SHISA9: variants seen among roughly 807,000 people sequenced by gnomAD.
SHISA9 encodes the protein shisa family member 9, also known as protein shisa-9.
Under a neutral mutation model 38.0 loss-of-function variants are expected in SHISA9, and 13 were observed. The observed-to-expected ratio is 0.34, with a 90% CI of 0.22 to 0.54. The LOEUF (loss-of-function observed/expected upper bound fraction) is 0.54, where lower values mean the gene tolerates loss of function less well. SHISA9 is among the 20% of genes least tolerant of loss of function. The pLI is 0.91. For synonymous variants in SHISA9, 275 were observed against 242.0 expected, an observed-to-expected ratio of 1.14 and a Z score of -1.27; for missense variants, 538 against 575.8, an observed-to-expected ratio of 0.93 and a Z score of 0.67.
chr16:13,343,390 C>G, the SHISA9 span, among the ~76,000 whole-genome samples: 3 of 152,040 alleles, frequency 2.0e-5, no homozygotes, highest in Non-Finnish European at 4.4e-5. Context: ...CTTTTTCTCT[C>G]TAGTACCACA....
At chr16:13,066,451 A>G (rs937188645) in intron 2 of SHISA9, among the ~76,000 whole-genome samples, 1 of 152,190 alleles carries the variant, frequency 6.6e-6, no homozygotes, top group Non-Finnish European at 1.5e-5. Flanking sequence ...TAAATTTCAT[A>G]AAAACCATCT....
chr16:13,113,722 T>G (rs1206516382), intron 2 of SHISA9, among the ~76,000 whole-genome samples: 1 of 152,212 alleles, frequency 6.6e-6, no homozygotes, highest in Non-Finnish European at 1.5e-5. Context: ...TGGCCTCATT[T>G]GTTTGCCTTT....
chr16:13,305,211 G>A, the SHISA9 span, among the ~76,000 whole-genome samples: 1 of 152,172 alleles, frequency 6.6e-6, no homozygotes, highest in South Asian at 2.1e-4. Flanking sequence ...AGTTTGTTGT[G>A]TGCCTGAGTT....
intron 1 of SHISA9, chr16:12,908,522 C>T: frequency 6.4e-7 from 1 of 1,552,080 alleles, no homozygotes; most frequent in South Asian, 1.2e-5. Context: ...GATTTCTTTC[C>T]AAGAGGACGA....
chr16:13,273,333 C>A, the SHISA9 span, among the ~76,000 whole-genome samples: 1 of 152,106 alleles, frequency 6.6e-6, no homozygotes, highest in Non-Finnish European at 1.5e-5. Flanking sequence ...GTATTCCCAC[C>A]CAAATCTCAT....
At chr16:13,293,273 T>G in the SHISA9 span, among the ~76,000 whole-genome samples, 1 of 152,140 alleles carries the variant, frequency 6.6e-6, no homozygotes, top group African/African-American at 2.4e-5. Flanking sequence ...CCCTTACTTT[T>G]CCCTTGAAAA....
chr16:13,235,627 AT>A lies in SHISA9; in HGVS notation c.*220del. On this transcript the variant is annotated 3_prime_UTR_variant, in exon 5 of 5. Transcript: ENST00000558583. ...AGCTGAGAAAGACCGAAGCGTGGAC[AT>A]TCAGCAATACAGCAAAGGGGAAAAT... is the stretch of plus-strand genomic sequence containing the variant. 1.7e-6 allele frequency: 1 copy of A among 585,824 alleles called. No individual in the cohort carries two copies. The highest frequency in any genetic ancestry group is 2.9e-6 in the Non-Finnish European group (1 of 343,422). The allele number at this position is 585,824 out of a possible 1,614,324, so 36.3% of individuals were successfully genotyped here.
At chr16:13,263,567 G>T in the SHISA9 span, among the ~76,000 whole-genome samples, 1 of 152,178 alleles carries the variant, frequency 6.6e-6, no homozygotes, top group Non-Finnish European at 1.5e-5. Context: ...AAGCTGAACA[G>T]ATGACCAACA....
chr16:13,448,855 T>A, the SHISA9 span, among the ~76,000 whole-genome samples: 1 of 152,320 alleles, frequency 6.6e-6, no homozygotes, highest in African/African-American at 2.4e-5. Flanking sequence ...GCCCTTTGTG[T>A]ATCCAGGTGA....
chr16:13,143,635 C>G (rs2050422000), intron 2 of SHISA9, among the ~76,000 whole-genome samples: 1 of 152,140 alleles, frequency 6.6e-6, no homozygotes, highest in Non-Finnish European at 1.5e-5. Flanking sequence ...AACCATCATG[C>G]AAATATATCT....
the SHISA9 span, among the ~76,000 whole-genome samples, chr16:13,461,593 A>ATT: frequency 8.5e-6 from 1 of 117,818 alleles, no homozygotes; most frequent in South Asian, 3.2e-4. Flanking sequence ...AAAAAAAAAG[A>ATT]TTTATAGACT....
the SHISA9 span, among the ~76,000 whole-genome samples, chr16:13,345,027 T>C: frequency 0.18 from 27,301 of 152,066 alleles, 3,023 homozygotes; most frequent in African/African-American, 0.3. Flanking sequence ...CAGAGTAATT[T>C]CATAATTTTT....
intron 2 of SHISA9, among the ~76,000 whole-genome samples, chr16:13,030,415 G>T (rs1039864268): frequency 2.6e-5 from 4 of 152,142 alleles, no homozygotes; most frequent in African/African-American, 9.7e-5. Flanking sequence ...AGCATTCCCA[G>T]GGGTTTCTCA....
At chr16:13,293,713 A>G in the SHISA9 span, among the ~76,000 whole-genome samples, 2 of 152,232 alleles carry the variant, frequency 1.3e-5, no homozygotes, top group Admixed American at 6.5e-5. Context: ...CACCTCCAGT[A>G]GTTTCATAAT....
At chr16:13,401,219 C>T in the SHISA9 span, among the ~76,000 whole-genome samples, 1 of 152,172 alleles carries the variant, frequency 6.6e-6, no homozygotes, top group Non-Finnish European at 1.5e-5. Flanking sequence ...TTGTGACAAC[C>T]TTTTCAGTTA....
At position 13,212,997 on chromosome 16, in the gene SHISA9, C is replaced by T. The variant is rs547971422; in HGVS notation, c.848-256C>T. Among the ~76,000 whole-genome samples the T allele has an allele frequency of 3.3e-5, 5 of 152,280 alleles. No homozygotes were observed. In the South Asian group the frequency reaches 8.3e-4, roughly 25 times the overall value. On this transcript the variant is annotated intron_variant, in intron 3 of 4. Coordinates refer to ENST00000558583, the MANE Select transcript of SHISA9 (RefSeq NM_001145204.3). ...CTGCCTTACGTAACTGAAAATATCT[C>T]GGCCTTTTTCAGGAGGCTTCTTTTG...
At chr16:13,469,540 A>G in the SHISA9 span, among the ~76,000 whole-genome samples, 1 of 152,132 alleles carries the variant, frequency 6.6e-6, no homozygotes, top group Admixed American at 6.5e-5. Flanking sequence ...CTATCATCTC[A>G]TCTTCTTCTA....
At chr16:13,454,128 GA>G in the SHISA9 span, among the ~76,000 whole-genome samples, 2 of 152,196 alleles carry the variant, frequency 1.3e-5, no homozygotes, top group Non-Finnish European at 2.9e-5. Context: ...AAGGAGATGA[GA>G]GGGAAAGGGC....
At chr16:13,209,580 A>T (rs554397855) in intron 3 of SHISA9, among the ~76,000 whole-genome samples, 1 of 152,182 alleles carries the variant, frequency 6.6e-6, no homozygotes, top group African/African-American at 2.4e-5. Flanking sequence ...ATTCTTTTTC[A>T]CTCAATTGAC....
Sources: allele counts gnomAD v4.1 joint callset (sites outside exome capture counted in the v4.1 genomes callset), GRCh38; gene constraint gnomAD v4.1.1; transcripts MANE v1.5; gene names NCBI Gene and HGNC (gene_info 2026-07-23, HGNC 2026-07-21).